Variants in GRM1 observed in about 807,000 individuals in gnomAD.
GRM1 encodes metabotropic glutamate receptor 1.
Under a neutral mutation model 90.9 loss-of-function variants are expected in GRM1, and 33 were observed. That is an observed-to-expected ratio of 0.36 (90% CI 0.28 to 0.49). The LOEUF (loss-of-function observed/expected upper bound fraction) is 0.49. GRM1 is among the 20% of genes least tolerant of loss of function. GRM1 has a pLI of 0.99. For synonymous variants in GRM1, 700 were observed against 613.2 expected (o/e 1.14, Z -2.09); for missense variants, 1,190 against 1,534.3 (o/e 0.78, Z 3.75).
chr6:146,186,649 T>C lies in GRM1; in HGVS notation c.950+27052T>C, dbSNP rs117779688. Among the ~76,000 whole-genome samples, 701 of 152,330 alleles carry C rather than the reference T, an allele frequency of 4.6e-3. 2 individuals are homozygous for C. The highest frequency in any genetic ancestry group is 7.5e-3 in the Non-Finnish European group (511 of 68,028). ...AACTGATAACAGTTTCTTCCCTACGTACTGCTTAATTGCAAAGCCACAGAT... is the reference window on the plus strand; with the variant it reads ...AACTGATAACAGTTTCTTCCCTACGCACTGCTTAATTGCAAAGCCACAGAT... On this transcript the variant is annotated intron_variant, in intron 2 of 7. Transcript: ENST00000282753.
At chr6:146,180,150 AC>A (rs757055933) in intron 2 of GRM1, among the ~76,000 whole-genome samples, 7 of 151,334 alleles carry the variant, frequency 4.6e-5, no homozygotes, top group Non-Finnish European at 8.9e-5. Context: ...AACCAAAAAA[AC>A]CAACCAACCA....
chr6:146,051,327 C>T (rs974927404), intron 1 of GRM1, among the ~76,000 whole-genome samples: 4 of 152,002 alleles, frequency 2.6e-5, no homozygotes, highest in African/African-American at 9.7e-5. Context: ...TATTGTGTAT[C>T]CTACAGTGGT....
At position 146,314,438 on chromosome 6, in the gene GRM1, G is replaced by A. The variant is rs1200722283; in HGVS notation, c.1186+9592G>A. The stretch of plus-strand genomic sequence containing the variant: ...TATTCACCTGGTAATGAACATTTGA[G>A]TTGTTTCCAGGTTTTGGTTATTTCA... On this transcript the variant is annotated intron_variant, in intron 3 of 7. Coordinates refer to ENST00000282753, the MANE Select transcript of GRM1 (RefSeq NM_001278064.2). Among the ~76,000 whole-genome samples, 9 of 152,210 alleles carry A rather than the reference G, an allele frequency of 5.9e-5. No individual in the cohort carries two copies. In the East Asian group the frequency reaches 1.7e-3, roughly 29 times the overall value.
chr6:146,145,465 C>A lies in GRM1; in HGVS notation c.701-13883C>A, dbSNP rs151107181. Among the ~76,000 whole-genome samples the A allele has an allele frequency of 1.4e-3, 207 of 152,326 alleles. 1 individual carries two copies. The highest frequency in any genetic ancestry group is 2.4e-3 in the Non-Finnish European group (166 of 68,036). On this transcript the variant is annotated intron_variant, in intron 1 of 7. Transcript: ENST00000282753. ...GCCACTTCAGAACTCTACTCTCTGT[C>A]CCCAAGCACACTGCGCAGCTGCTCA...
chr6:146,120,164 G>A (rs1240866242), intron 1 of GRM1, among the ~76,000 whole-genome samples: 1 of 152,140 alleles, frequency 6.6e-6, no homozygotes, highest in Non-Finnish European at 1.5e-5. Context: ...CACATCCCTT[G>A]TAAGGTGGAT....
intron 5 of GRM1, among the ~76,000 whole-genome samples, chr6:146,375,562 C>T (rs892206662): frequency 4.0e-5 from 6 of 151,882 alleles, no homozygotes; most frequent in Admixed American, 6.6e-5. Context: ...TTTCCTTTAC[C>T]TATCTAGGTG....
chr6:146,047,587 A>C (rs887993884), intron 1 of GRM1, among the ~76,000 whole-genome samples: 28 of 151,766 alleles, frequency 1.8e-4, no homozygotes, highest in Non-Finnish European at 3.5e-4. Flanking sequence ...AAAAAAAAAA[A>C]AAAACCTGCC....
intron 2 of GRM1, among the ~76,000 whole-genome samples, chr6:146,244,554 G>T (rs1313968658): frequency 1.3e-5 from 2 of 152,162 alleles, no homozygotes; most frequent in African/African-American, 4.8e-5. Context: ...CCAAAAAGTT[G>T]TTCAATCAGT....
chr6:146,234,358 TTTG>T (rs1335263979), intron 2 of GRM1, among the ~76,000 whole-genome samples: 1 of 152,088 alleles, frequency 6.6e-6, no homozygotes, highest in African/African-American at 2.4e-5. Context: ...TGTATTAACA[TTTG>T]TTGTCTTCTT....
chr6:146,134,645 C>T (rs1305212191), intron 1 of GRM1, among the ~76,000 whole-genome samples: 2 of 152,100 alleles, frequency 1.3e-5, no homozygotes, highest in Non-Finnish European at 2.9e-5. Context: ...AAAAGAACAG[C>T]ATGGACCGGG....
chr6:146,276,496 T>G (rs988611442), intron 2 of GRM1, among the ~76,000 whole-genome samples: 2 of 152,170 alleles, frequency 1.3e-5, no homozygotes, highest in African/African-American at 4.8e-5. Context: ...TAATTATTCC[T>G]CATACATTTT....
At position 146,399,009 on chromosome 6, in the gene GRM1, G is replaced by A; in HGVS notation, c.1970G>A (p.Cys657Tyr). 6.2e-7 allele frequency: 1 copy of A among 1,613,952 alleles called. No homozygotes were observed. Among genetic ancestry groups the A allele is most frequent in the Non-Finnish European group, 8.5e-7 (1 of 1,179,966 alleles). ...TLIAKPTTTSCYLQRLLVGLS... is the reference protein window; with the variant it reads ...TLIAKPTTTSYYLQRLLVGLS... The stretch of plus-strand genomic sequence containing the variant: ...ATTGCCAAACCTACTACCACCTCCT[G>A]CTACCTCCAGCGCCTCTTGGTTGGC... The change falls in exon 7 of 8, where the codon TGC (cysteine) becomes TAC (tyrosine). Residue 657 changes from cysteine (C) to tyrosine (Y), a missense_variant. Cys to Tyr is a radical substitution (Grantham distance 194, BLOSUM62 -2). Transcript: ENST00000282753. This position sits in a 1 kb window ranked among gnomAD's most constrained non-coding sequence, Gnocchi z 5.4.
chr6:146,052,260 C>T (rs893684066), intron 1 of GRM1, among the ~76,000 whole-genome samples: 1 of 151,980 alleles, frequency 6.6e-6, no homozygotes, highest in Non-Finnish European at 1.5e-5. Context: ...TTTTCTTAGT[C>T]ATTTATGGGC....
intron 2 of GRM1, among the ~76,000 whole-genome samples, chr6:146,218,349 T>C (rs973615627): frequency 2.4e-4 from 36 of 152,204 alleles, no homozygotes; most frequent in African/African-American, 8.4e-4. Flanking sequence ...AGACATGAAC[T>C]CTTTTTATGT....
intron 1 of GRM1, among the ~76,000 whole-genome samples, chr6:146,047,194 A>AG (rs1327739645): frequency 6.6e-6 from 1 of 151,998 alleles, no homozygotes; most frequent in Non-Finnish European, 1.5e-5. Context: ...CTGCTATGTT[A>AG]GTCAAAATAG....
At chr6:146,397,186 A>G (rs1285284318) in intron 6 of GRM1, among the ~76,000 whole-genome samples, 2 of 152,154 alleles carry the variant, frequency 1.3e-5, no homozygotes, top group Non-Finnish European at 2.9e-5. Context: ...ATTTTTTTTA[A>G]AAAGCACAAA....
At chr6:146,126,726 C>T (rs755585568) in intron 1 of GRM1, among the ~76,000 whole-genome samples, 4 of 152,106 alleles carry the variant, frequency 2.6e-5, no homozygotes, top group Non-Finnish European at 4.4e-5. Flanking sequence ...ATTTTAGAAG[C>T]TCTTTTTAAA....
intron 1 of GRM1, among the ~76,000 whole-genome samples, chr6:146,117,865 C>T (rs1464036773): frequency 6.6e-6 from 1 of 151,868 alleles, no homozygotes; most frequent in African/African-American, 2.4e-5. Context: ...GATTGTCATT[C>T]TTTTACATTA....
At chr6:146,334,870 TTC>T (rs2115001956) in intron 3 of GRM1, among the ~76,000 whole-genome samples, 1 of 152,284 alleles carries the variant, frequency 6.6e-6, no homozygotes, top group African/African-American at 2.4e-5. Flanking sequence ...CAACATCATT[TTC>T]TCTCAGTCCA....
Sources: allele counts gnomAD v4.1 joint callset (sites outside exome capture counted in the v4.1 genomes callset), GRCh38; gene constraint gnomAD v4.1.1; non-coding constraint Gnocchi (gnomAD v3.1); transcripts MANE v1.5; gene names NCBI Gene and HGNC (gene_info 2026-07-23, HGNC 2026-07-21).